TNFRSF10A: variants seen among roughly 807,000 people sequenced by gnomAD.
TNFRSF10A encodes TNF receptor superfamily member 10a, also known as tumor necrosis factor receptor superfamily member 10A.
A neutral mutation model predicts 42.8 loss-of-function variants in TNFRSF10A; 44 were observed. The ratio of observed to expected loss-of-function variants is 1.03; its 90% CI spans 0.81 to 1.32. The LOEUF is 1.32. Among genes scored for constraint, TNFRSF10A ranks in the 40% most tolerant of loss-of-function variants. TNFRSF10A has a pLI of 0.00. For synonymous variants in TNFRSF10A, 259 were observed against 234.2 expected, an observed-to-expected ratio of 1.11 and a Z score of -0.97; for missense variants, 680 against 602.0, an observed-to-expected ratio of 1.13 and a Z score of -1.36.
At chr8:23,192,068 G>C (rs1031322017) in intron 9 of TNFRSF10A, 55 bp from the exon 10 acceptor site, 1 of 1,557,912 alleles carries the variant, frequency 6.4e-7, no homozygotes, top group African/African-American at 1.4e-5. Context: ...AGTTCAGAAG[G>C]GGCAGAGGAT....
rs556137087 is a variant in TNFRSF10A, at chr8:23,218,623, G to A, written c.306+6133C>T. Among the ~76,000 whole-genome samples, 7 of 151,424 alleles carry A rather than the reference G, an allele frequency of 4.6e-5. 1 individual carries two copies. Among genetic ancestry groups the A allele is most frequent in the Admixed American group, 4.6e-4 (7 of 15,166 alleles). On this transcript the variant is annotated intron_variant, in intron 1 of 9. Transcript: ENST00000221132. ...ATGTCTATCATTCTGGAAATAAGAG[G>A]TGGCTTTACATGACTTCTCAGGTAC... is the stretch of plus-strand genomic sequence containing the variant.
chr8:23,214,349 G>A (rs140640873), intron 1 of TNFRSF10A, among the ~76,000 whole-genome samples: 3 of 151,904 alleles, frequency 2.0e-5, no homozygotes, highest in Non-Finnish European at 4.4e-5. Context: ...TTAACCGGGC[G>A]TGGTGGCGGG....
chr8:23,200,105 A>G (rs911495433), intron 6 of TNFRSF10A, among the ~76,000 whole-genome samples, 188 bp from the exon 7 acceptor site: 2 of 152,208 alleles, frequency 1.3e-5, no homozygotes, highest in Non-Finnish European at 2.9e-5. Context: ...AAAGGGAAGT[A>G]GGCTAAAAAC....
At chr8:23,205,312 G>A (rs1434743841) in intron 2 of TNFRSF10A, among the ~76,000 whole-genome samples, 1 of 152,098 alleles carries the variant, frequency 6.6e-6, no homozygotes, top group Admixed American at 6.6e-5. Context: ...AATTCCTATC[G>A]CTTAGTAATG....
Position 23,191,633 on chromosome 8 carries a change from A to AC in TNFRSF10A, c.*60_*61insG. On this transcript the variant is annotated 3_prime_UTR_variant, in exon 10 of 10. Coordinates refer to ENST00000221132, the MANE Select transcript of TNFRSF10A (RefSeq NM_003844.4). ...ACTTTGTATACATGTTAAAAAAAAA[A>AC]AAAACCTAATATGTATTAACTCCTA... The AC allele has an allele frequency of 1.4e-6, 2 of 1,475,120 alleles. No homozygotes were observed. The highest frequency in any genetic ancestry group is 1.4e-5 in the South Asian group (1 of 69,852). The allele number at this position is 1,475,120 out of a possible 1,614,324, so 91.4% of individuals were successfully genotyped here. A position where few individuals can be genotyped will look rare whatever the true frequency, so the allele number is the denominator to read the frequency against.
chr8:23,210,711 G>T (rs1322025640), intron 2 of TNFRSF10A, among the ~76,000 whole-genome samples: 1 of 152,022 alleles, frequency 6.6e-6, no homozygotes, highest in South Asian at 2.1e-4. Flanking sequence ...AAACAAAAAA[G>T]AATTATATAC....
rs1801315120 is a variant in TNFRSF10A, at chr8:23,224,842, G to C, written c.220C>G (p.Pro74Ala). The change falls in exon 1 of 10, where the codon CCA (proline) becomes GCA (alanine). Residue 74 changes from proline to alanine, a missense_variant. Physicochemically the swap from Pro to Ala is conservative, Grantham distance 27 (BLOSUM62 -1). Transcript: ENST00000221132. ...GCTTCCCGCGCCGGCCTGGGTCCTG[G>C]GGCGCGCCCTGCCCGGGCCCGGGCA... ...PSARARAGRA[P>A]GPRPAREASP... 6.4e-7 allele frequency: 1 copy of C among 1,566,284 alleles called. No homozygotes were observed. The highest frequency in any genetic ancestry group is 8.7e-7 in the Non-Finnish European group (1 of 1,155,720).
At chr8:23,214,690 G>A (rs1480575500) in intron 1 of TNFRSF10A, among the ~76,000 whole-genome samples, 2 of 152,126 alleles carry the variant, frequency 1.3e-5, no homozygotes, top group African/African-American at 4.8e-5. Flanking sequence ...GTACCCTTGA[G>A]AAAAATGGAT....
intron 1 of TNFRSF10A, among the ~76,000 whole-genome samples, chr8:23,223,278 G>T (rs1585290329): frequency 6.6e-6 from 1 of 152,240 alleles, no homozygotes; most frequent in African/African-American, 2.4e-5. Context: ...TGTTGGCCAG[G>T]ATCGTCTCGA....
At chr8:23,199,523 C>G (rs1187632813) in intron 7 of TNFRSF10A, 75 bp from the exon 8 acceptor site, 27 of 1,533,948 alleles carry the variant, frequency 1.8e-5, no homozygotes, top group Non-Finnish European at 2.1e-5. Context: ...ACGGCTGGAC[C>G]TGCTGCCACC....
intron 1 of TNFRSF10A, among the ~76,000 whole-genome samples, chr8:23,218,400 T>C (rs1310545214): frequency 1.3e-5 from 2 of 152,128 alleles, no homozygotes; most frequent in African/African-American, 4.8e-5. Flanking sequence ...AAAAATGCCT[T>C]ATTGATCTTA....
intron 3 of TNFRSF10A, 60 bp downstream of exon 3, chr8:23,202,588 C>G: frequency 7.2e-7 from 1 of 1,392,336 alleles, no homozygotes. Context: ...ACATTGGCTA[C>G]CACTCCCACC....
chr8:23,196,478 A>G (rs555368729), intron 9 of TNFRSF10A, among the ~76,000 whole-genome samples: 7 of 152,250 alleles, frequency 4.6e-5, no homozygotes, highest in South Asian at 2.1e-4. Flanking sequence ...TTACAGGCAT[A>G]AGCCACCGTG....
Position 23,200,684 on chromosome 8 carries a change from T to C in TNFRSF10A, c.703+3A>G, listed in dbSNP as rs755996477. ...GCTGGGGCTTCCCCAGTGGGCTTTG[T>C]ACCTGATTCTTTGTGGACACACTCG... On this transcript the variant is annotated splice_donor_region_variant and intron_variant, in intron 5 of 9. Coordinates refer to ENST00000221132, the MANE Select transcript of TNFRSF10A (RefSeq NM_003844.4). The C allele has an allele frequency of 3.1e-6, 5 of 1,611,390 alleles. No individual in the cohort carries two copies. The highest frequency in any genetic ancestry group is 1.7e-5 in the Admixed American group (1 of 59,928).
At position 23,199,885 on chromosome 8, in the gene TNFRSF10A, C is replaced by T; in HGVS notation, c.831+1G>A. 1 of 1,614,188 alleles carries T rather than the reference C, an allele frequency of 6.2e-7. No individual in the cohort carries two copies. The highest frequency in any genetic ancestry group is 8.5e-7 in the Non-Finnish European group (1 of 1,180,006). On this transcript the variant is annotated splice_donor_variant, in intron 7 of 9. Transcript: ENST00000221132. LOFTEE classifies it high-confidence loss of function. ...CCCAGCTCCTGGAGAAATCAACTCACCCTGTCCATGCACTTGGGGTCCCCT... is the reference window on the plus strand; with the variant it reads ...CCCAGCTCCTGGAGAAATCAACTCATCCTGTCCATGCACTTGGGGTCCCCT...
At chr8:23,200,050 A>C in intron 6 of TNFRSF10A, 133 bp from the exon 7 acceptor site, 3 of 1,061,366 alleles carry the variant, frequency 2.8e-6, no homozygotes, top group Non-Finnish European at 4.2e-6. Flanking sequence ...GGGGATCCAC[A>C]TGAGGCCCTG....
rs552632416 is a variant in TNFRSF10A, at chr8:23,200,784, G to A, written c.630-24C>T. 1.1e-5 allele frequency: 17 copies of A among 1,561,324 alleles called. 1 individual carries two copies. Among genetic ancestry groups the A allele is most frequent in the Non-Finnish European group, 1.5e-5 (17 of 1,134,026 alleles). On this transcript the variant is annotated intron_variant, in intron 4 of 9. Transcript: ENST00000221132. The stretch of plus-strand genomic sequence containing the variant: ...ACCTGGGTACACACAGGGAGGGAGG[G>A]GGGGGACTCTTGATGGAAAGCTGGC...
At chr8:23,211,131 T>C (rs1801087065) in intron 2 of TNFRSF10A, among the ~76,000 whole-genome samples, 1 of 152,182 alleles carries the variant, frequency 6.6e-6, no homozygotes, top group South Asian at 2.1e-4. Flanking sequence ...TATTTGCAAA[T>C]TATATTTTCT....
intron 1 of TNFRSF10A, among the ~76,000 whole-genome samples, chr8:23,213,325 T>G (rs1044446804): frequency 2.0e-5 from 3 of 151,932 alleles, no homozygotes; most frequent in African/African-American, 7.2e-5. Flanking sequence ...ATTTTATAGA[T>G]CTCTCTTAAG....
Sources: gnomAD v4.1 joint callset for allele counts (sites outside exome capture counted in the v4.1 genomes callset) on GRCh38, gnomAD v4.1.1 for gene constraint, MANE v1.5 for transcripts, NCBI Gene and HGNC (gene_info 2026-07-23, HGNC 2026-07-21) for gene names.